Variants in PC observed in about 807,000 individuals in gnomAD.
The protein encoded by PC is pyruvate carboxylase, mitochondrial.
PC carries 46 observed loss-of-function variants against 107.8 expected under a neutral mutation model. The observed-to-expected ratio is 0.43, with a 90% CI of 0.34 to 0.55. The LOEUF (loss-of-function observed/expected upper bound fraction) is 0.55. Among genes scored for constraint, PC ranks in the 20% least tolerant of loss-of-function variants. PC has a pLI of 0.04. For missense variants in PC, 1,241 were observed against 1,643.1 expected (o/e 0.76, Z 4.23); for synonymous variants, 662 against 684.7 (o/e 0.97, Z 0.52).
At position 66,850,265 on chromosome 11, in the gene PC, C is replaced by T; in HGVS notation, c.2673G>A (p.Lys891=). 6.2e-7 allele frequency: 1 copy of T among 1,614,152 alleles called. No individual in the cohort carries two copies. The highest frequency in any genetic ancestry group is 8.5e-7 in the Non-Finnish European group (1 of 1,180,030). The change falls in exon 19 of 23, where the codon AAG becomes AAA. Residue 891 remains lysine (K), a synonymous_variant. Coordinates refer to ENST00000393960, the MANE Select transcript of PC (RefSeq NM_001040716.2). ...TCTGGTTGGCCTCCACATAGGCCTTCTTGACCTCCTTGAACTTGGAGCCAA... is the reference window on the plus strand; with the variant it reads ...TCTGGTTGGCCTCCACATAGGCCTTTTTGACCTCCTTGAACTTGGAGCCAA... ...MGLGSKFKEV[K]KAYVEANQML...
intron 12 of PC, among the ~76,000 whole-genome samples, chr11:66,854,015 C>G (rs892157874): frequency 4.7e-4 from 72 of 152,248 alleles, no homozygotes; most frequent in African/African-American, 1.7e-3. Flanking sequence ...AGCAAGTCCA[C>G]GGCCAGCTTC....
chr11:66,924,369 C>CAAAAAAAAAAA (rs71045970), intron 3 of PC, among the ~76,000 whole-genome samples: 12,204 of 64,320 alleles, frequency 0.19, 1,235 homozygotes, highest in Non-Finnish European at 0.23. Flanking sequence ...CCATCTCTAC[C>CAAAAAAAAAAA]AAAAAAAAAA....
chr11:66,923,156 G>A (rs1178269975), intron 3 of PC, among the ~76,000 whole-genome samples: 1 of 152,084 alleles, frequency 6.6e-6, no homozygotes, highest in Non-Finnish European at 1.5e-5. Context: ...CACGAGGTCA[G>A]GAGATCGAGA....
At position 66,849,042 on chromosome 11, in the gene PC, C is replaced by T. The variant is rs988531701; in HGVS notation, c.3394G>A (p.Ala1132Thr). 1.9e-6 allele frequency: 3 copies of T among 1,613,958 alleles called. No homozygotes were observed. The African/African-American group carries it at 4.0e-5, about 22-fold the overall frequency. ...AGCACACACAGGGGCTGGCCCTTGG[C>T]CACCTTGGCCCCTGCCACCACTTTG... ...DIKVVAGAKV[A>T]KGQPLCVLSA... The change falls in exon 23 of 23, where the codon GCC (alanine) becomes ACC (threonine). Residue 1132 changes from alanine (A) to threonine (T), a missense_variant. Transcript: ENST00000393960.
At chr11:66,876,275 A>C (rs1946974516) in intron 3 of PC, among the ~76,000 whole-genome samples, 1 of 152,242 alleles carries the variant, frequency 6.6e-6, no homozygotes, top group South Asian at 2.1e-4. Flanking sequence ...AAAAACACTG[A>C]GGAACTCAAG....
chr11:66,902,548 G>C (rs1045779085), intron 3 of PC, among the ~76,000 whole-genome samples: 4 of 152,160 alleles, frequency 2.6e-5, no homozygotes, highest in African/African-American at 9.7e-5. Flanking sequence ...CTGTGCCTCA[G>C]GTCCTGCCCT....
intron 3 of PC, among the ~76,000 whole-genome samples, chr11:66,908,913 C>T (rs1320580302): frequency 1.3e-5 from 2 of 152,174 alleles, no homozygotes; most frequent in Non-Finnish European, 2.9e-5. Context: ...GTTTCCGCCT[C>T]TTCTCTATCT....
intron 3 of PC, among the ~76,000 whole-genome samples, chr11:66,948,481 T>G (rs1398121125): frequency 6.6e-6 from 1 of 152,310 alleles, no homozygotes; most frequent in Non-Finnish European, 1.5e-5. Flanking sequence ...GGTACACATA[T>G]GTTAAAACTT....
chr11:66,877,284 G>A (rs1379590826), intron 3 of PC, among the ~76,000 whole-genome samples: 2 of 152,222 alleles, frequency 1.3e-5, no homozygotes, highest in African/African-American at 4.8e-5. Flanking sequence ...TACTCGGGAG[G>A]CTGAGGCAGG....
intron 10 of PC, among the ~76,000 whole-genome samples, chr11:66,868,012 G>T (rs1345710721): frequency 6.6e-6 from 1 of 152,272 alleles, no homozygotes; most frequent in Non-Finnish European, 1.5e-5. Context: ...AGACCTTGAA[G>T]GGTGAGGGCC....
In PC at chr11:66,951,888, CAAAAAAAAAAAA is replaced by C. The variant is rs1309322806; in HGVS notation, c.-1+530_-1+541del. Among the ~76,000 whole-genome samples the C allele has an allele frequency of 6.7e-5, 7 of 103,744 alleles. 1 individual carries two copies. 68.1% of individuals were successfully genotyped at this position (103,744 alleles called of 152,430 possible). On this transcript the variant is annotated intron_variant, in intron 3 of 22. Coordinates refer to ENST00000393960, the MANE Select transcript of PC (RefSeq NM_001040716.2). ...CTGGCAACAGAGCAAGACTCCGTCT[CAAAAAAAAAAAA>C]GAAAAAAAAAAACTTAGCCAGGTGT... is the stretch of plus-strand genomic sequence containing the variant.
At chr11:66,926,168 C>A (rs1436936157) in intron 3 of PC, among the ~76,000 whole-genome samples, 3 of 152,164 alleles carry the variant, frequency 2.0e-5, no homozygotes, top group Non-Finnish European at 2.9e-5. Context: ...GCAGATATTA[C>A]CCTTGTGATC....
chr11:66,858,844 G>A lies in PC; in HGVS notation c.1368+4930C>T, dbSNP rs1163481424. On this transcript the variant is annotated intron_variant, in intron 12 of 22. Coordinates refer to ENST00000393960, the MANE Select transcript of PC (RefSeq NM_001040716.2). This position sits in a 1 kb window ranked among gnomAD's most constrained non-coding sequence, Gnocchi z 5.9. ...GAGGCCACAGCCCGAGTAGAACTGC[G>A]GGTGCTGGCCTTGCCCCATGGTGGG... 2.6e-6 allele frequency: 4 copies of A among 1,552,962 alleles called. No homozygotes were observed. The highest frequency in any genetic ancestry group is 1.2e-5 in the South Asian group (1 of 85,716).
Position 66,871,793 on chromosome 11 carries a change from G to A in PC, c.215C>T (p.Thr72Met), listed in dbSNP as rs776465359. 8 of 1,606,596 alleles carry A rather than the reference G, an allele frequency of 5.0e-6. No homozygotes were observed. The highest frequency in any genetic ancestry group is 1.1e-5 in the South Asian group (1 of 89,962). The change falls in exon 5 of 23, where the codon ACG becomes ATG. Residue 72 changes from threonine (T) to methionine (M), a missense_variant. Coordinates refer to ENST00000393960, the MANE Select transcript of PC (RefSeq NM_001040716.2). The surrounding 1 kb of genome is among the most constrained non-coding windows in gnomAD (Gnocchi z 7.4). ...TGCTTTCTGCCGGTGCATCTGGCCC[G>A]TGTCCTGCTCAGAGTAGATGGCTAC... ...RTVAIYSEQD[T>M]GQMHRQKADE...
chr11:66,862,209 C>T (rs1468151200), intron 12 of PC, among the ~76,000 whole-genome samples: 2 of 152,174 alleles, frequency 1.3e-5, no homozygotes, highest in Non-Finnish European at 2.9e-5. Flanking sequence ...CACACCTCTG[C>T]CTATGTGCAC....
intron 12 of PC, among the ~76,000 whole-genome samples, chr11:66,861,213 C>T (rs1330213376): frequency 1.3e-5 from 2 of 152,208 alleles, no homozygotes; most frequent in African/African-American, 4.8e-5. Context: ...CAGGCCCGGG[C>T]AGCCTCCGAC....
At chr11:66,875,611 C>T (rs550222082) in intron 3 of PC, among the ~76,000 whole-genome samples, 3 of 152,074 alleles carry the variant, frequency 2.0e-5, no homozygotes, top group African/African-American at 4.8e-5. Flanking sequence ...ACGCACGGGT[C>T]GCTGGGCAGA....
Position 66,858,865 on chromosome 11 carries a change from G to A in PC, c.1368+4909C>T. 1 of 1,558,458 alleles carries A rather than the reference G, an allele frequency of 6.4e-7. No homozygotes were observed. The highest frequency in any genetic ancestry group is 1.2e-5 in the South Asian group (1 of 86,528). ...CTGCGGGTGCTGGCCTTGCCCCATG[G>A]TGGGAACAGCAGTGCCGAGGGGGGC... is the stretch of plus-strand genomic sequence containing the variant. On this transcript the variant is annotated intron_variant, in intron 12 of 22. Coordinates refer to ENST00000393960, the MANE Select transcript of PC (RefSeq NM_001040716.2). The surrounding 1 kb of genome is among the most constrained non-coding windows in gnomAD (Gnocchi z 5.9).
intron 3 of PC, among the ~76,000 whole-genome samples, chr11:66,946,063 G>A (rs1347223560): frequency 4.1e-5 from 6 of 147,658 alleles, no homozygotes; most frequent in Middle Eastern, 3.5e-3. Flanking sequence ...TCCGCAGTCC[G>A]GCCTGGGCGA....
Sources: allele counts gnomAD v4.1 joint callset (sites outside exome capture counted in the v4.1 genomes callset), GRCh38; gene constraint gnomAD v4.1.1; non-coding constraint Gnocchi (gnomAD v3.1); transcripts MANE v1.5; gene names NCBI Gene and HGNC (gene_info 2026-07-23, HGNC 2026-07-21).